The following ROBO2 variants were observed in gnomAD, a reference collection of about 807,000 sequenced individuals.
ROBO2 encodes roundabout guidance receptor 2, also known as roundabout homolog 2.
Under a neutral mutation model 160.8 loss-of-function variants are expected in ROBO2, and 53 were observed. The ratio of observed to expected loss-of-function variants is 0.33; its 90% CI spans 0.26 to 0.41. ROBO2 has a LOEUF of 0.41. Among genes scored for constraint, ROBO2 ranks in the 10% least tolerant of loss-of-function variants. The probability of loss-of-function intolerance (pLI) is 1.00; values close to 1 mark genes in which losing one functional copy is unlikely to be tolerated. For synonymous variants in ROBO2, 664 were observed against 611.7 expected (o/e 1.09, Z -1.26); for missense variants, 1,577 against 1,722.4 (o/e 0.92, Z 1.49).
chr3:77,596,765 T>G lies in ROBO2; in HGVS notation c.2854+15T>G. The G allele has an allele frequency of 1.2e-6, 2 of 1,612,124 alleles. No homozygotes were observed. The highest frequency in any genetic ancestry group is 1.7e-6 in the Non-Finnish European group (2 of 1,179,578). ...TGGCCGTGGAGGTAAGTTGTGTTTT[T>G]TAAAATAGTGTTATTTGAGTTCTCT... is the stretch of plus-strand genomic sequence containing the variant. On this transcript the variant is annotated intron_variant, in intron 19 of 25. Transcript: ENST00000461745.
At chr3:77,411,894 T>G (rs2076835240) in intron 2 of ROBO2, among the ~76,000 whole-genome samples, 1 of 152,188 alleles carries the variant, frequency 6.6e-6, no homozygotes, top group African/African-American at 2.4e-5. Flanking sequence ...CTTTATTGTT[T>G]CCTTCCCAAC....
intron 2 of ROBO2, among the ~76,000 whole-genome samples, chr3:76,073,733 A>C (rs2068552000): frequency 6.6e-6 from 1 of 152,206 alleles, no homozygotes; most frequent in South Asian, 2.1e-4. Flanking sequence ...GTGAGCTTTG[A>C]ATTTATGTCA....
chr3:77,229,456 G>T (rs2086890826), intron 2 of ROBO2, among the ~76,000 whole-genome samples: 1 of 151,954 alleles, frequency 6.6e-6, no homozygotes, highest in African/African-American at 2.4e-5. Context: ...GCCGAGGCAG[G>T]TGGATCACCT....
chr3:76,671,718 T>A (rs2092269384), intron 2 of ROBO2, among the ~76,000 whole-genome samples: 1 of 152,070 alleles, frequency 6.6e-6, no homozygotes. Context: ...AAATACATCT[T>A]TTTGAAAAAT....
intron 2 of ROBO2, among the ~76,000 whole-genome samples, chr3:77,201,695 T>C (rs949078027): frequency 6.6e-6 from 1 of 152,208 alleles, no homozygotes; most frequent in Non-Finnish European, 1.5e-5. Flanking sequence ...ATGTGCATAT[T>C]GAACTGAACT....
intron 6 of ROBO2, among the ~76,000 whole-genome samples, chr3:77,531,155 A>C (rs1311008455): frequency 6.6e-6 from 1 of 152,066 alleles, no homozygotes; most frequent in Non-Finnish European, 1.5e-5. Context: ...CTGAAAGCTG[A>C]GTACTTCACG....
At chr3:76,484,208 G>A (rs1265899819) in intron 2 of ROBO2, among the ~76,000 whole-genome samples, 1 of 152,140 alleles carries the variant, frequency 6.6e-6, no homozygotes, top group Non-Finnish European at 1.5e-5. Context: ...GCAAAAACAG[G>A]TACTACTTTT....
chr3:77,334,013 T>C (rs558277893), intron 2 of ROBO2, among the ~76,000 whole-genome samples: 6 of 152,338 alleles, frequency 3.9e-5, no homozygotes, highest in South Asian at 4.1e-4. Flanking sequence ...GTTAAAGTCA[T>C]ACTCTAACAC....
intron 2 of ROBO2, among the ~76,000 whole-genome samples, chr3:76,768,602 T>C (rs549444267): frequency 8.3e-4 from 126 of 151,134 alleles, no homozygotes; most frequent in African/African-American, 2.8e-3. Flanking sequence ...CCATTTGAGA[T>C]GAAAAGTGTT....
intron 2 of ROBO2, among the ~76,000 whole-genome samples, chr3:76,910,534 T>C (rs111500077): frequency 0.043 from 6,520 of 151,964 alleles, 466 homozygotes; most frequent in African/African-American, 0.15. Context: ...AAGACCATCC[T>C]GGCCAGCATG....
intron 2 of ROBO2, among the ~76,000 whole-genome samples, chr3:76,320,511 GA>G (rs1168517032): frequency 6.6e-6 from 1 of 152,110 alleles, no homozygotes; most frequent in East Asian, 1.9e-4. Context: ...ACTCTGTCAT[GA>G]AAAAAGTAGT....
At position 76,141,026 on chromosome 3, in the gene ROBO2, T is replaced by TAC. The variant is rs544903745; in HGVS notation, c.109+203440_109+203441dup. Among the ~76,000 whole-genome samples, 96 of 126,106 alleles carry TAC rather than the reference T, an allele frequency of 7.6e-4. 1 individual carries two copies. The highest frequency in any genetic ancestry group is 2.1e-3 in the African/African-American group (72 of 33,926). The allele number at this position is 126,106 out of a possible 152,430, so 82.7% of individuals were successfully genotyped here. On this transcript the variant is annotated intron_variant, in intron 2 of 26. Coordinates refer to the ROBO2 transcript ENST00000487694. ...ATGAGGCATATAACTTAGAAAATTG[T>TAC]ACACACACACACACACAGATGTCTT...
chr3:76,747,930 T>C (rs2108167433), intron 2 of ROBO2, among the ~76,000 whole-genome samples: 1 of 152,126 alleles, frequency 6.6e-6, no homozygotes, highest in South Asian at 2.1e-4. Context: ...TCATTTAATA[T>C]TCGAATTCTC....
intron 2 of ROBO2, among the ~76,000 whole-genome samples, chr3:76,486,506 T>C (rs925605363): frequency 1.3e-5 from 2 of 152,168 alleles, no homozygotes; most frequent in African/African-American, 4.8e-5. Context: ...TTTGAGGTCT[T>C]TGCAGGATTT....
chr3:77,091,888 G>A (rs533872287), intron 1 of ROBO2, among the ~76,000 whole-genome samples: 69 of 151,972 alleles, frequency 4.5e-4, no homozygotes, highest in African/African-American at 1.1e-3. Context: ...TCTGAGGCAC[G>A]AGAATCGCTT....
chr3:77,027,802 A>C (rs2063065633), intron 2 of ROBO2, among the ~76,000 whole-genome samples: 1 of 152,116 alleles, frequency 6.6e-6, no homozygotes, highest in Non-Finnish European at 1.5e-5. Context: ...CAGGGGAGGG[A>C]GGAATCACGG....
chr3:77,460,966 G>A (rs116341093), intron 2 of ROBO2, among the ~76,000 whole-genome samples: 1,576 of 151,874 alleles, frequency 0.01, 24 homozygotes, highest in African/African-American at 0.032. Flanking sequence ...AGTCTTATTC[G>A]ACCAAATATT....
chr3:76,738,042 G>A (rs1199833295), intron 2 of ROBO2, among the ~76,000 whole-genome samples: 1 of 152,056 alleles, frequency 6.6e-6, no homozygotes, highest in African/African-American at 2.4e-5. Flanking sequence ...ACTGTGGTGG[G>A]AGGATCACTT....
rs189967225 is a variant in ROBO2, at chr3:77,406,560, T to A, written c.389-70854T>A. Among the ~76,000 whole-genome samples, 32 of 152,308 alleles carry A rather than the reference T, an allele frequency of 2.1e-4. 1 individual carries two copies. The East Asian group carries it at 5.4e-3, about 26-fold the overall frequency. ...TATTCAATGCAAAAGGAGTGCTGAC[T>A]GGAAAACAATTTCAATTAGTAATAC... On this transcript the variant is annotated intron_variant, in intron 2 of 25. Transcript: ENST00000461745.
Sources: gnomAD v4.1 joint callset for allele counts (sites outside exome capture counted in the v4.1 genomes callset) on GRCh38, gnomAD v4.1.1 for gene constraint, MANE v1.5 for transcripts, NCBI Gene and HGNC (gene_info 2026-07-23, HGNC 2026-07-21) for gene names.